Variants in THBS4 observed in about 807,000 individuals in gnomAD.
THBS4 encodes thrombospondin 4.
THBS4 carries 90 observed loss-of-function variants against 115.7 expected under a neutral mutation model. The observed-to-expected ratio is 0.78, with a 90% CI of 0.66 to 0.93. THBS4 has a LOEUF of 0.93. Ranked by LOEUF, THBS4 falls within the 40% of genes least tolerant of loss-of-function variation. The pLI is 0.00. For missense variants in THBS4, 1,087 were observed against 1,232.7 expected (o/e 0.88, Z 1.77); for synonymous variants, 460 against 479.3 (o/e 0.96, Z 0.53).
At chr5:80,017,429 C>T (rs965038508) in intron 2 of THBS4, among the ~76,000 whole-genome samples, 10 of 151,952 alleles carry the variant, frequency 6.6e-5, no homozygotes, top group African/African-American at 2.4e-4. Flanking sequence ...ATAATGCATC[C>T]TCTGTCTATT....
chr5:80,067,913 G>A (rs1333682677), intron 9 of THBS4, 60 bp from the exon 10 acceptor site: 1 of 1,585,188 alleles, frequency 6.3e-7, no homozygotes, highest in Non-Finnish European at 8.6e-7. Flanking sequence ...CTGTACCTTT[G>A]CTCAAACTGT....
chr5:80,021,087 A>G (rs1317135272), intron 2 of THBS4, among the ~76,000 whole-genome samples: 1 of 152,182 alleles, frequency 6.6e-6, no homozygotes, highest in Admixed American at 6.5e-5. Flanking sequence ...GGAATTGCCA[A>G]TTCTAGTACT....
At chr5:80,036,505 T>C (rs1832724158) in intron 1 of THBS4, among the ~76,000 whole-genome samples, 1 of 152,164 alleles carries the variant, frequency 6.6e-6, no homozygotes. Context: ...ACCCTCTGAA[T>C]CTATAATTTA....
At chr5:80,080,203 T>C in intron 20 of THBS4, 126 bp downstream of exon 20, 3 of 1,167,356 alleles carry the variant, frequency 2.6e-6, no homozygotes, top group South Asian at 1.6e-5. Context: ...GCCAGGACTT[T>C]TGTGACCGCA....
rs755239824 is a variant in THBS4, at chr5:80,078,958, G to C, written c.2303G>C (p.Gly768Ala). The C allele has an allele frequency of 2.0e-5, 32 of 1,614,022 alleles. No individual in the cohort carries two copies. Among genetic ancestry groups the C allele is most frequent in the South Asian group, 2.0e-4 (18 of 91,080 alleles). The part of the protein sequence containing the change: ...EIVQTMNSDP[G>A]LAVGYTAFNG... ...GTACAGACCATGAACAGTGATCCTGGCCTGGCAGTGGGTATGTCCAGGGCC... is the reference window on the plus strand; with the variant it reads ...GTACAGACCATGAACAGTGATCCTGCCCTGGCAGTGGGTATGTCCAGGGCC... The change falls in exon 18 of 22, where the codon GGC becomes GCC. Residue 768 changes from glycine (G) to alanine (A), a missense_variant. Coordinates refer to ENST00000350881, the MANE Select transcript of THBS4 (RefSeq NM_003248.6).
chr5:80,054,569 T>G (rs916158435), intron 2 of THBS4, among the ~76,000 whole-genome samples: 9 of 152,292 alleles, frequency 5.9e-5, no homozygotes, highest in Non-Finnish European at 1.0e-4. Context: ...TCTGCCCACC[T>G]CAGCCTCCCA....
chr5:80,000,176 C>T (rs921306720), intron 2 of THBS4, among the ~76,000 whole-genome samples: 2 of 152,152 alleles, frequency 1.3e-5, no homozygotes, highest in African/African-American at 4.8e-5. Flanking sequence ...ATTACACCTG[C>T]ATAAAGCTGC....
chr5:80,000,244 T>A (rs1831870369), intron 2 of THBS4, among the ~76,000 whole-genome samples: 1 of 152,232 alleles, frequency 6.6e-6, no homozygotes, highest in African/African-American at 2.4e-5. Context: ...CAGCATTTAG[T>A]TGGCACATAA....
chr5:80,078,149 C>T lies in THBS4; in HGVS notation c.2187C>T (p.Asp729=), dbSNP rs1743308879. 2 of 1,612,210 alleles carry T rather than the reference C, an allele frequency of 1.2e-6. No homozygotes were observed. The highest frequency in any genetic ancestry group is 1.7e-6 in the Non-Finnish European group (2 of 1,178,842). ...CPENAEVTLT[D]FRAYQTVVLD... is the part of the protein sequence containing the mutation. ...AGAACGCAGAGGTCACCCTGACCGA[C>T]TTCAGGGCTTACCAGACCGTGGTCC... The change falls in exon 17 of 22, where the codon GAC becomes GAT. Residue 729 remains aspartate, a synonymous_variant. Coordinates refer to ENST00000350881, the MANE Select transcript of THBS4 (RefSeq NM_003248.6).
In THBS4 at chr5:80,082,684, A is replaced by G. The variant is rs935611312; in HGVS notation, c.2824+139A>G. The stretch of plus-strand genomic sequence containing the variant: ...CATTAAAACCTGATAGTCCCTGTGT[A>G]CCAGAAGTAAAAAGCAGATCACATT... On this transcript the variant is annotated intron_variant, in intron 21 of 21. Coordinates refer to ENST00000350881, the MANE Select transcript of THBS4 (RefSeq NM_003248.6). The G allele has an allele frequency of 5.6e-6, 6 of 1,062,634 alleles. No homozygotes were observed. In the African/African-American group the frequency reaches 9.6e-5, roughly 17 times the overall value. The allele number at this position is 1,062,634 out of a possible 1,614,324, so 65.8% of individuals were successfully genotyped here.
chr5:80,043,720 A>T (rs910644832), intron 2 of THBS4, among the ~76,000 whole-genome samples: 3 of 152,186 alleles, frequency 2.0e-5, no homozygotes, highest in Non-Finnish European at 2.9e-5. Flanking sequence ...AGAGTTTGCC[A>T]CTGAGCTCTC....
At position 80,028,895 on chromosome 5, in the gene THBS4, T is replaced by A. The variant is rs200732272; in HGVS notation, n.178-11182T>A. On this transcript the variant is annotated intron_variant and non_coding_transcript_variant, in intron 2 of 3. Transcript: ENST00000510218. ...CCCTGTTTTTTCTTATTTTACCCAC[T>A]CTTTTTATATAGTCTCATCTGTACC... is the stretch of plus-strand genomic sequence containing the variant. Among the ~76,000 whole-genome samples the A allele has an allele frequency of 0.012, 1,784 of 152,224 alleles. 128 individuals are homozygous for A. In the East Asian group the frequency reaches 0.2, roughly 17 times the overall value.
rs200276069 is a variant in THBS4 at position 80,070,303 on chromosome 5, C to T, written c.1348-3C>T. 475 of 1,570,522 alleles carry T rather than the reference C, an allele frequency of 3.0e-4. 3 individuals carry two copies. The African/African-American group carries it at 5.7e-3, about 19-fold the overall frequency. ...AGGCCTCTGATGGGCTTTCCCTTTA[C>T]AGTGTGGAGTCGGTTGGGCTGGAGA... On this transcript the variant is annotated splice_polypyrimidine_tract_variant and splice_region_variant and intron_variant, in intron 10 of 21. Coordinates refer to ENST00000350881, the MANE Select transcript of THBS4 (RefSeq NM_003248.6).
rs868735933 is a variant in THBS4 at position 80,080,575 on chromosome 5, G to T, written c.2684+498G>T. 3.7e-3 allele frequency among the ~76,000 whole-genome samples: 262 copies of T among 71,740 alleles called. 4 individuals carry two copies. The Middle Eastern group carries it at 0.053, about 15-fold the overall frequency. 47.1% of individuals were successfully genotyped at this position (71,740 alleles called of 152,430 possible). A position where few individuals can be genotyped will look rare whatever the true frequency, so the allele number is the denominator to read the frequency against. ...CACAAACTGCATGAGAGCAGCGCTT[G>T]TATCTTTTTTTTTTTTTTTTTTTTT... On this transcript the variant is annotated intron_variant, in intron 20 of 21. Transcript: ENST00000350881.
chr5:80,018,724 AT>A (rs1295894142), intron 2 of THBS4, among the ~76,000 whole-genome samples: 1 of 151,840 alleles, frequency 6.6e-6, no homozygotes, highest in Non-Finnish European at 1.5e-5. Flanking sequence ...AACATTTTTT[AT>A]TTCTTGTCAT....
chr5:80,021,695 A>G (rs1269970527), intron 2 of THBS4, among the ~76,000 whole-genome samples: 1 of 152,058 alleles, frequency 6.6e-6, no homozygotes, highest in Non-Finnish European at 1.5e-5. Context: ...TGTGTTTTGT[A>G]TATTTTGTAG....
chr5:80,040,448 G>A (rs1243912791), intron 2 of THBS4, among the ~76,000 whole-genome samples, 168 bp downstream of exon 2: 11 of 70,862 alleles, frequency 1.6e-4, no homozygotes, highest in Admixed American at 3.9e-4. Context: ...CTATATTGGC[G>A]GGGGGGTGGG....
chr5:80,005,761 CATT>C (rs1261437149), intron 2 of THBS4, among the ~76,000 whole-genome samples: 63 of 138,528 alleles, frequency 4.5e-4, no homozygotes, highest in African/African-American at 1.6e-3. Context: ...TTGTTTGTGG[CATT>C]TTTTTTTTTT....
At chr5:80,082,798 T>TTTAA (rs1743586639) in intron 21 of THBS4, among the ~76,000 whole-genome samples, 1 of 152,252 alleles carries the variant, frequency 6.6e-6, no homozygotes, top group South Asian at 2.1e-4. Flanking sequence ...TCCAGTCAGA[T>TTTAA]TTAATTTACA....
Sources: allele counts gnomAD v4.1 joint callset (sites outside exome capture counted in the v4.1 genomes callset), GRCh38; gene constraint gnomAD v4.1.1; transcripts MANE v1.5; gene names NCBI Gene and HGNC (gene_info 2026-07-23, HGNC 2026-07-21).